CACNA2D3: variants seen among roughly 807,000 people sequenced by gnomAD.
CACNA2D3 encodes voltage-dependent calcium channel subunit alpha-2/delta-3.
A neutral mutation model predicts 160.6 loss-of-function variants in CACNA2D3; 60 were observed. The ratio of observed to expected loss-of-function variants is 0.37; its 90% confidence interval spans 0.30 to 0.46. The LOEUF is 0.46. CACNA2D3 is among the 20% of genes least tolerant of loss of function. CACNA2D3 has a pLI of 1.00. For synonymous variants in CACNA2D3, 558 were observed against 492.9 expected, an observed-to-expected ratio of 1.13 and a Z score of -1.75; for missense variants, 1,205 against 1,365.0, an observed-to-expected ratio of 0.88 and a Z score of 1.85.
At chr3:54,543,652 G>C (rs1175766873) in intron 5 of CACNA2D3, among the ~76,000 whole-genome samples, 2 of 152,196 alleles carry the variant, frequency 1.3e-5, no homozygotes. Flanking sequence ...AGCACAGCTT[G>C]TGTTTTGGTG....
intron 9 of CACNA2D3, among the ~76,000 whole-genome samples, chr3:54,618,344 GATAC>G (rs750547637): frequency 4.1e-5 from 1 of 24,238 alleles, no homozygotes; most frequent in African/African-American, 8.2e-5. Context: ...AATTGATGTT[GATAC>G]ATACATATAT....
intron 13 of CACNA2D3, among the ~76,000 whole-genome samples, chr3:54,768,217 A>C (rs1025040142): frequency 1.3e-5 from 2 of 152,218 alleles, no homozygotes; most frequent in African/African-American, 4.8e-5. Context: ...GTCTTAGTAT[A>C]CTATATATTG....
At chr3:54,806,500 T>C (rs1431389232) in intron 13 of CACNA2D3, among the ~76,000 whole-genome samples, 1 of 151,808 alleles carries the variant, frequency 6.6e-6, no homozygotes, top group East Asian at 1.9e-4. Flanking sequence ...TTACAAGGGA[T>C]GTGAAGGACC....
chr3:54,466,838 G>T (rs780196097), intron 4 of CACNA2D3, among the ~76,000 whole-genome samples: 39 of 152,190 alleles, frequency 2.6e-4, no homozygotes, highest in African/African-American at 9.4e-4. Flanking sequence ...TTGGGATTTT[G>T]TAGGCAATCC....
intron 27 of CACNA2D3, among the ~76,000 whole-genome samples, chr3:54,941,433 T>C (rs1209622080): frequency 1.3e-5 from 2 of 152,210 alleles, no homozygotes; most frequent in East Asian, 1.9e-4. Flanking sequence ...TTCAAACTAC[T>C]TATTGGCCCA....
At chr3:54,201,065 G>A (rs1172285211) in intron 2 of CACNA2D3, among the ~76,000 whole-genome samples, 3 of 152,176 alleles carry the variant, frequency 2.0e-5, no homozygotes, top group African/African-American at 2.4e-5. Flanking sequence ...GAAATGAGAC[G>A]CTCTGTAAAT....
At chr3:54,598,427 T>C (rs1010960962) in intron 9 of CACNA2D3, among the ~76,000 whole-genome samples, 7 of 152,004 alleles carry the variant, frequency 4.6e-5, no homozygotes, top group Non-Finnish European at 1.0e-4. Flanking sequence ...TAAGAGCTTT[T>C]AGAACATTTT....
intron 17 of CACNA2D3, among the ~76,000 whole-genome samples, chr3:54,862,460 A>T (rs181557279): frequency 4.5e-4 from 69 of 152,286 alleles, no homozygotes; most frequent in African/African-American, 1.6e-3. Context: ...TTGTTGGTTG[A>T]TGCTATTACA....
At chr3:55,003,258 T>C (rs765948458) in intron 31 of CACNA2D3, among the ~76,000 whole-genome samples, 1 of 152,188 alleles carries the variant, frequency 6.6e-6, no homozygotes, top group Non-Finnish European at 1.5e-5. Context: ...GGCTCGACTT[T>C]ACATGTCTCT....
chr3:54,611,487 C>A (rs890814906), intron 9 of CACNA2D3, among the ~76,000 whole-genome samples: 4 of 152,138 alleles, frequency 2.6e-5, no homozygotes. Flanking sequence ...TCTTTAAGAT[C>A]CTTGGTGTGC....
At chr3:54,123,368 G>A in intron 1 of CACNA2D3, 145 bp from the exon 2 acceptor site, 1 of 661,520 alleles carries the variant, frequency 1.5e-6, no homozygotes, top group East Asian at 2.7e-5. Flanking sequence ...TTTCTACCAA[G>A]CCGCTTTTTC....
At chr3:54,377,590 G>T (rs913574246) in intron 3 of CACNA2D3, among the ~76,000 whole-genome samples, 1 of 152,164 alleles carries the variant, frequency 6.6e-6, no homozygotes, top group Admixed American at 6.5e-5. Context: ...ACACACTGAG[G>T]TACAGACTAA....
chr3:54,972,873 C>G (rs1364820398), intron 29 of CACNA2D3, among the ~76,000 whole-genome samples: 2 of 152,194 alleles, frequency 1.3e-5, no homozygotes, highest in Non-Finnish European at 2.9e-5. Flanking sequence ...TTCACACACT[C>G]ATTTCTTCCT....
chr3:55,069,925 TTGATCATGA>T (rs1704761097), intron 35 of CACNA2D3, among the ~76,000 whole-genome samples: 1 of 152,274 alleles, frequency 6.6e-6, no homozygotes, highest in Non-Finnish European at 1.5e-5. Flanking sequence ...ACTTAATTTC[TTGATCATGA>T]GTGCCAAAGT....
At chr3:54,823,776 T>G (rs1191056494) in intron 14 of CACNA2D3, among the ~76,000 whole-genome samples, 1 of 152,226 alleles carries the variant, frequency 6.6e-6, no homozygotes, top group Admixed American at 6.5e-5. Flanking sequence ...TGTACAAAAC[T>G]GTATTGGAAA....
chr3:54,522,620 C>T (rs1701662521), intron 5 of CACNA2D3, among the ~76,000 whole-genome samples: 3 of 152,138 alleles, frequency 2.0e-5, no homozygotes, highest in Admixed American at 1.3e-4. Context: ...AGTCCAAGAT[C>T]ATGTCATTGG....
At chr3:55,035,435 A>C (rs1324558200) in intron 35 of CACNA2D3, among the ~76,000 whole-genome samples, 2 of 152,232 alleles carry the variant, frequency 1.3e-5, no homozygotes, top group Non-Finnish European at 2.9e-5. Context: ...CAGGAAAATT[A>C]AAGCAACATG....
At chr3:54,805,077 T>G (rs1703086093) in intron 13 of CACNA2D3, among the ~76,000 whole-genome samples, 1 of 152,168 alleles carries the variant, frequency 6.6e-6, no homozygotes. Context: ...TTTATAGCAC[T>G]AAATGCCCAC....
intron 31 of CACNA2D3, among the ~76,000 whole-genome samples, chr3:54,988,618 C>T (rs894386034): frequency 6.6e-5 from 10 of 152,220 alleles, no homozygotes; most frequent in African/African-American, 2.4e-4. Flanking sequence ...ATCCATTGCA[C>T]ATCGGTGGCC....
Sources: gnomAD v4.1 joint callset for allele counts (sites outside exome capture counted in the v4.1 genomes callset) on GRCh38, gnomAD v4.1.1 for gene constraint, MANE v1.5 for transcripts, NCBI Gene and HGNC (gene_info 2026-07-23, HGNC 2026-07-21) for gene names.